NAA20: variants seen among roughly 807,000 people sequenced by gnomAD.
NAA20 encodes the protein N-alpha-acetyltransferase 20.
Under a neutral mutation model 23.8 loss-of-function variants are expected in NAA20, and 24 were observed. The observed-to-expected ratio is 1.01, with a 90% CI of 0.73 to 1.42. The LOEUF is 1.42. Ranked by LOEUF, NAA20 falls within the 40% of genes most tolerant of loss-of-function variation. The pLI, the probability that NAA20 is intolerant of heterozygous loss-of-function variation, is 0.00. For missense variants in NAA20, 166 were observed against 223.1 expected (o/e 0.74, Z 1.63); for synonymous variants, 83 against 77.7 (o/e 1.07, Z -0.36).
chr20:20,017,596 C>T, intron 1 of NAA20, 147 bp downstream of exon 1: 2 of 1,315,874 alleles, frequency 1.5e-6, no homozygotes, highest in Non-Finnish European at 2.0e-6. Flanking sequence ...CCAACGTGGG[C>T]GCCTCCCTGG....
chr20:20,018,295 A>G (rs929668179), intron 1 of NAA20: 49 of 560,656 alleles, frequency 8.7e-5, no homozygotes, highest in South Asian at 5.3e-4. Flanking sequence ...TTTTATAGAC[A>G]CTTTTCCTGG....
chr20:20,030,899 T>C (rs1472000439), intron 4 of NAA20, among the ~76,000 whole-genome samples: 2 of 152,106 alleles, frequency 1.3e-5, no homozygotes, highest in Non-Finnish European at 2.9e-5. Flanking sequence ...TGCCATAGCA[T>C]GAAAAAACAT....
intron 4 of NAA20, among the ~76,000 whole-genome samples, chr20:20,029,509 C>A (rs545918911): frequency 2.6e-5 from 4 of 151,146 alleles, no homozygotes; most frequent in African/African-American, 9.7e-5. Flanking sequence ...CCCAGCTACT[C>A]GGGAGGCTGA....
intron 5 of NAA20, 47 bp downstream of exon 5, chr20:20,032,700 C>A: frequency 6.6e-7 from 1 of 1,522,148 alleles, no homozygotes; most frequent in Non-Finnish European, 8.8e-7. Context: ...GAAACAGTTA[C>A]ATTCTTTCTA....
chr20:20,031,945 T>C (rs1404779502), intron 4 of NAA20, among the ~76,000 whole-genome samples: 1 of 152,214 alleles, frequency 6.6e-6, no homozygotes, highest in Non-Finnish European at 1.5e-5. Context: ...GGAAAAACAG[T>C]TTGGTATTAA....
At chr20:20,027,701 G>A (rs1478875554) in intron 4 of NAA20, among the ~76,000 whole-genome samples, 1 of 151,756 alleles carries the variant, frequency 6.6e-6, no homozygotes. Context: ...GTATGAGTTT[G>A]GGACACCTTA....
chr20:20,017,985 C>T, intron 1 of NAA20: 1 of 1,614,164 alleles, frequency 6.2e-7, no homozygotes, highest in Non-Finnish European at 8.5e-7. Context: ...TAAATTGTAT[C>T]CAAATGAAAT....
rs146653937 is a variant in NAA20 at position 20,021,493 on chromosome 20, A to G, written c.54-963A>G. 5.3e-3 allele frequency among the ~76,000 whole-genome samples: 805 copies of G among 152,296 alleles called. 4 individuals are homozygous for G. The highest frequency in any genetic ancestry group is 8.3e-3 in the Non-Finnish European group (566 of 68,024). ...GATTTTGTTTTGTTTTGTTTTCGGA[A>G]GTATAGTGATTTTTTTGGTAAAGGT... On this transcript the variant is annotated intron_variant, in intron 1 of 5. Coordinates refer to ENST00000334982, the MANE Select transcript of NAA20 (RefSeq NM_016100.5).
At chr20:20,031,636 A>T (rs533186891) in intron 4 of NAA20, among the ~76,000 whole-genome samples, 1 of 152,364 alleles carries the variant, frequency 6.6e-6, no homozygotes, top group East Asian at 1.9e-4. Flanking sequence ...GACAAACCAC[A>T]AATTGGAAAA....
upstream of NAA20, chr20:20,017,351 G>C (rs757335241): frequency 3.1e-6 from 5 of 1,607,738 alleles, no homozygotes; most frequent in African/African-American, 5.4e-5. Flanking sequence ...CCGGCAGGGC[G>C]GGCGCGGGGT....
At position 20,026,511 on chromosome 20, in the gene NAA20, G is replaced by GTT. The variant is rs11481799; in HGVS notation, c.170-262_170-261dup. 2.8e-3 allele frequency among the ~76,000 whole-genome samples: 401 copies of GTT among 142,578 alleles called. 2 individuals are homozygous for GTT. The highest frequency in any genetic ancestry group is 5.6e-3 in the African/African-American group (215 of 38,186). The allele number at this position is 142,578 out of a possible 152,430, so 93.5% of individuals were successfully genotyped here. A position where few individuals can be genotyped will look rare whatever the true frequency, so the allele number is the denominator to read the frequency against. ...GATATTTGAAAAAATACATACTCTG[G>GTT]TTTTTTTTTTTTCAAAATTAGTTGT... On this transcript the variant is annotated intron_variant, in intron 3 of 5. Coordinates refer to ENST00000334982, the MANE Select transcript of NAA20 (RefSeq NM_016100.5).
chr20:20,025,582 C>T, intron 2 of NAA20, 95 bp from the exon 3 acceptor site: 1 of 828,078 alleles, frequency 1.2e-6, no homozygotes, highest in Admixed American at 1.8e-5. Flanking sequence ...GATAAAGTAA[C>T]AGTATACTTT....
At chr20:20,028,572 A>G (rs2043322052) in intron 4 of NAA20, among the ~76,000 whole-genome samples, 1 of 152,190 alleles carries the variant, frequency 6.6e-6, no homozygotes, top group South Asian at 2.1e-4. Flanking sequence ...CCCTCTGAGT[A>G]GAAGACCACT....
intron 2 of NAA20, among the ~76,000 whole-genome samples, chr20:20,023,291 A>G (rs1601125860): frequency 6.8e-6 from 1 of 147,140 alleles, no homozygotes; most frequent in Admixed American, 6.9e-5. Context: ...CCTGGGCTAC[A>G]TGTAGAGCGA....
intron 1 of NAA20, 65 bp downstream of exon 1, chr20:20,017,514 C>T (rs959802053): frequency 1.9e-6 from 3 of 1,546,282 alleles, no homozygotes; most frequent in African/African-American, 1.4e-5. Context: ...CCCGCCAGCT[C>T]CGGCCCCAGC....
chr20:20,026,344 A>T (rs1429132463), intron 3 of NAA20, among the ~76,000 whole-genome samples: 3 of 152,118 alleles, frequency 2.0e-5, no homozygotes, highest in African/African-American at 7.2e-5. Flanking sequence ...ACTTTTGTTA[A>T]ATTTCTACAT....
intron 5 of NAA20, 42 bp from the exon 6 acceptor site, chr20:20,033,060 T>C (rs747016299): frequency 2.1e-6 from 3 of 1,427,056 alleles, no homozygotes; most frequent in Admixed American, 3.4e-5. Flanking sequence ...TTTGATATAA[T>C]ACATTTTTTG....
At chr20:20,031,855 CAT>C (rs563420754) in intron 4 of NAA20, among the ~76,000 whole-genome samples, 73 of 152,262 alleles carry the variant, frequency 4.8e-4, no homozygotes, top group Admixed American at 1.6e-3. Flanking sequence ...AAAATAAAAA[CAT>C]GTGATGCACC....
chr20:20,018,081 C>G (rs762845228), intron 1 of NAA20: 2 of 1,614,010 alleles, frequency 1.2e-6, no homozygotes, highest in Non-Finnish European at 1.7e-6. Flanking sequence ...CTGCGCACCC[C>G]GGTGTACACA....
Sources: allele counts gnomAD v4.1 joint callset (sites outside exome capture counted in the v4.1 genomes callset), GRCh38; gene constraint gnomAD v4.1.1; transcripts MANE v1.5; gene names NCBI Gene and HGNC (gene_info 2026-07-23, HGNC 2026-07-21).